The following SGCD variants were observed in gnomAD, a reference collection of about 807,000 sequenced individuals.
The protein encoded by SGCD is sarcoglycan delta.
In SGCD, 18 loss-of-function variants were observed where a neutral mutation model predicts 36.6. The observed-to-expected ratio is 0.49, with a 90% CI of 0.34 to 0.73. The LOEUF is 0.73. Among genes scored for constraint, SGCD ranks in the 30% least tolerant of loss-of-function variants. The pLI is 0.01. For missense variants in SGCD, 387 were observed against 346.7 expected, an observed-to-expected ratio of 1.12 and a Z score of -0.92; for synonymous variants, 133 against 130.6, an observed-to-expected ratio of 1.02 and a Z score of -0.12.
intron 4 of SGCD, among the ~76,000 whole-genome samples, chr5:156,520,343 C>G (rs977663207): frequency 2.0e-5 from 3 of 152,122 alleles, no homozygotes; most frequent in African/African-American, 7.2e-5. Flanking sequence ...GAGTTACAAA[C>G]TACTGCTTGA....
the SGCD span, among the ~76,000 whole-genome samples, chr5:155,852,173 C>T: frequency 6.6e-6 from 1 of 152,170 alleles, no homozygotes; most frequent in African/African-American, 2.4e-5. Flanking sequence ...AGTTAGAGAA[C>T]AATGTCTCCT....
At chr5:156,713,523 G>A (rs1304105963) in intron 7 of SGCD, among the ~76,000 whole-genome samples, 3 of 152,176 alleles carry the variant, frequency 2.0e-5, no homozygotes, top group African/African-American at 7.2e-5. Context: ...ACAGGAGCTT[G>A]TGGTAAACGC....
rs1052438574 is a variant in SGCD at position 156,763,713 on chromosome 5, A to G, written c.*4323A>G. The G allele has an allele frequency of 6.6e-6, 1 of 151,270 alleles. No individual in the cohort carries two copies. The highest frequency in any genetic ancestry group is 1.5e-5 in the Non-Finnish European group (1 of 67,956). The allele number at this position is 151,270 out of a possible 1,614,324, so 9.4% of individuals were successfully genotyped here. ...GCTCATCCAGGGTTTCATACTCAAT[A>G]TCGCTTAAAAAAAAAAAAGTATCAG... On this transcript the variant is annotated 3_prime_UTR_variant, in exon 9 of 9. Transcript: ENST00000337851.
chr5:155,873,262 C>T (rs1249726318), intron 1 of SGCD, among the ~76,000 whole-genome samples: 1 of 152,120 alleles, frequency 6.6e-6, no homozygotes, highest in Non-Finnish European at 1.5e-5. Context: ...GTAAGAATAT[C>T]CTTCTTTTAA....
intron 1 of SGCD, among the ~76,000 whole-genome samples, chr5:155,932,475 T>C (rs1256089350): frequency 6.6e-6 from 1 of 152,194 alleles, no homozygotes; most frequent in Non-Finnish European, 1.5e-5. Flanking sequence ...ATATTTAAGT[T>C]AGCTTCGTAT....
chr5:156,395,904 A>G (rs954282016), intron 3 of SGCD, among the ~76,000 whole-genome samples: 2 of 152,226 alleles, frequency 1.3e-5, no homozygotes, highest in East Asian at 3.8e-4. Context: ...AACTTGACAC[A>G]AGGAGTCATC....
chr5:156,054,312 G>A (rs1166239667), intron 1 of SGCD, among the ~76,000 whole-genome samples: 1 of 119,722 alleles, frequency 8.4e-6, no homozygotes, highest in Non-Finnish European at 1.7e-5. Flanking sequence ...TTGAGACAGA[G>A]TCTCGCTCTG....
intron 3 of SGCD, among the ~76,000 whole-genome samples, chr5:156,245,746 A>G (rs1220055386): frequency 6.6e-6 from 1 of 152,148 alleles, no homozygotes; most frequent in African/African-American, 2.4e-5. Flanking sequence ...GAGAAATTCT[A>G]GAAGACAACA....
At chr5:156,361,455 G>A (rs1358484884) in intron 3 of SGCD, among the ~76,000 whole-genome samples, 2 of 152,224 alleles carry the variant, frequency 1.3e-5, no homozygotes, top group Non-Finnish European at 2.9e-5. Flanking sequence ...GTACTAGTGA[G>A]ATTAGCAATA....
At chr5:156,373,237 A>T (rs966421254) in intron 3 of SGCD, among the ~76,000 whole-genome samples, 1 of 152,172 alleles carries the variant, frequency 6.6e-6, no homozygotes, top group African/African-American at 2.4e-5. Context: ...TTACCAATCC[A>T]ATTACATTTT....
chr5:155,940,747 A>T (rs1757304135), intron 1 of SGCD, among the ~76,000 whole-genome samples: 1 of 152,102 alleles, frequency 6.6e-6, no homozygotes, highest in Admixed American at 6.5e-5. Context: ...CGGGAGGCTG[A>T]GGCAGGAGAA....
At chr5:156,501,100 G>A (rs1289779871) in intron 3 of SGCD, among the ~76,000 whole-genome samples, 1 of 152,160 alleles carries the variant, frequency 6.6e-6, no homozygotes, top group Admixed American at 6.5e-5. Flanking sequence ...TCCTTTGGAA[G>A]CCTTAACCCC....
At chr5:156,291,411 A>G (rs1358220665) in intron 3 of SGCD, among the ~76,000 whole-genome samples, 2 of 152,114 alleles carry the variant, frequency 1.3e-5, no homozygotes, top group African/African-American at 4.8e-5. Flanking sequence ...TAAAATAATG[A>G]ATCAATAAAA....
intron 1 of SGCD, among the ~76,000 whole-genome samples, chr5:155,898,486 T>C (rs1032518955): frequency 2.0e-5 from 3 of 152,204 alleles, no homozygotes; most frequent in Non-Finnish European, 4.4e-5. Flanking sequence ...TATGAATAAA[T>C]GTCATGAGAG....
At chr5:156,432,080 G>A (rs540139035) in intron 3 of SGCD, among the ~76,000 whole-genome samples, 16 of 152,300 alleles carry the variant, frequency 1.1e-4, no homozygotes, top group South Asian at 6.2e-4. Flanking sequence ...GCTCTGGGCC[G>A]GTACTGGGGA....
chr5:156,175,319 A>G lies in SGCD; in HGVS notation c.-44+51300A>G, dbSNP rs138022407. Among the ~76,000 whole-genome samples, 1,401 of 152,322 alleles carry G rather than the reference A, an allele frequency of 9.2e-3. 17 individuals carry two copies. The highest frequency in any genetic ancestry group is 0.012 in the Non-Finnish European group (828 of 68,014). ...TTACTTTTGAATGTAGAAAAAAAGT[A>G]GTAAAATAAATAGTAAAATATGAAT... On this transcript the variant is annotated intron_variant, in intron 3 of 9. Transcript: ENST00000517913.
At chr5:156,181,022 A>G (rs558999868) in intron 3 of SGCD, among the ~76,000 whole-genome samples, 2 of 152,330 alleles carry the variant, frequency 1.3e-5, no homozygotes, top group Non-Finnish European at 2.9e-5. Context: ...TTTTGAAAAT[A>G]AGCTTTCTTA....
intron 3 of SGCD, among the ~76,000 whole-genome samples, chr5:156,136,160 T>A (rs1762451445): frequency 6.6e-6 from 1 of 152,250 alleles, no homozygotes; most frequent in South Asian, 2.1e-4. Flanking sequence ...TTGCCCAGCC[T>A]AGGATGCAGT....
the SGCD span, among the ~76,000 whole-genome samples, chr5:155,732,864 C>T: frequency 6.6e-6 from 1 of 152,208 alleles, no homozygotes; most frequent in African/African-American, 2.4e-5. Flanking sequence ...CTGAGTCCCT[C>T]CTGCTTCCAG....
Sources: gnomAD v4.1 joint callset for allele counts (sites outside exome capture counted in the v4.1 genomes callset) on GRCh38, gnomAD v4.1.1 for gene constraint, MANE v1.5 for transcripts, NCBI Gene and HGNC (gene_info 2026-07-23, HGNC 2026-07-21) for gene names.